EDAR: variants seen among roughly 807,000 people sequenced by gnomAD.
The protein encoded by EDAR is ectodysplasin A receptor.
A neutral mutation model predicts 51.3 loss-of-function variants in EDAR; 38 were observed. The ratio of observed to expected loss-of-function variants is 0.74; its 90% CI spans 0.57 to 0.97. The LOEUF is 0.97. EDAR is among the 50% of genes least tolerant of loss of function. The probability of loss-of-function intolerance (pLI) is 0.00; values close to 1 mark genes in which losing one functional copy is unlikely to be tolerated. For synonymous variants in EDAR, 227 were observed against 242.1 expected, an observed-to-expected ratio of 0.94 and a Z score of 0.58; for missense variants, 528 against 595.0, an observed-to-expected ratio of 0.89 and a Z score of 1.17.
intron 1 of EDAR, chr2:108,940,316 G>C (rs1697569888): frequency 6.6e-6 from 1 of 152,366 alleles, no homozygotes; most frequent in African/African-American, 2.4e-5. Context: ...TCCCAGGATG[G>C]CTCGGATGGT....
In EDAR at chr2:108,913,949, C is replaced by CAAAA. The variant is rs71383816; in HGVS notation, c.443-1189_443-1186dup. On this transcript the variant is annotated intron_variant, in intron 5 of 11. Coordinates refer to ENST00000258443, the MANE Select transcript of EDAR (RefSeq NM_022336.4). ...TGGGTGACACAGTGCGATTCCGTCT[C>CAAAA]AAAAAAAAAAAAAAAAAATCTAGAA... Among the ~76,000 whole-genome samples, 1,080 of 108,808 alleles carry CAAAA rather than the reference C, an allele frequency of 9.9e-3. 29 individuals are homozygous for CAAAA. The highest frequency in any genetic ancestry group is 0.037 in the South Asian group (110 of 2,952). 71.4% of individuals were successfully genotyped at this position (108,808 alleles called of 152,430 possible).
chr2:108,953,011 A>T (rs940345953), intron 1 of EDAR, among the ~76,000 whole-genome samples: 1 of 152,228 alleles, frequency 6.6e-6, no homozygotes, highest in Non-Finnish European at 1.5e-5. Flanking sequence ...TTTTGTGTGT[A>T]TGTAGTAGGT....
At chr2:108,926,862 G>T (rs897735025) in intron 4 of EDAR, among the ~76,000 whole-genome samples, 1 of 152,340 alleles carries the variant, frequency 6.6e-6, no homozygotes, top group Admixed American at 6.5e-5. Flanking sequence ...AGGAATGAAC[G>T]CAGCCTTTCA....
intron 1 of EDAR, among the ~76,000 whole-genome samples, chr2:108,957,509 C>A (rs1209875150): frequency 6.6e-6 from 1 of 152,250 alleles, no homozygotes; most frequent in Non-Finnish European, 1.5e-5. Context: ...CTGGATGGTT[C>A]TATCAGGTTC....
intron 1 of EDAR, among the ~76,000 whole-genome samples, chr2:108,953,663 T>C (rs1289170159): frequency 2.0e-5 from 3 of 152,090 alleles, no homozygotes; most frequent in Non-Finnish European, 4.4e-5. Context: ...GGTGCTGTCA[T>C]TGTCGGATGG....
Position 108,910,544 on chromosome 2 carries a change from T to C in EDAR, c.731-12A>G, listed in dbSNP as rs1696906202. On this transcript the variant is annotated splice_polypyrimidine_tract_variant and intron_variant, in intron 8 of 11. Transcript: ENST00000258443. ...CATCACCACGTTGTCTGCAGGGAAA[T>C]GGGGAGGTTGGGGAGATAGGAGTTA... is the stretch of plus-strand genomic sequence containing the variant. The C allele has an allele frequency of 6.2e-7, 1 of 1,604,264 alleles. No individual in the cohort carries two copies. Among genetic ancestry groups the C allele is most frequent in the African/African-American group, 1.3e-5 (1 of 74,608 alleles).
intron 4 of EDAR, among the ~76,000 whole-genome samples, chr2:108,926,300 G>GC (rs920566817): frequency 3.9e-5 from 6 of 152,096 alleles, no homozygotes; most frequent in African/African-American, 1.4e-4. Context: ...TTTCTCCCTA[G>GC]CCCCCCAACC....
chr2:108,930,255 G>T lies in EDAR; in HGVS notation c.52-13C>A, dbSNP rs763729504. The T allele has an allele frequency of 1.3e-5, 21 of 1,614,092 alleles. No homozygotes were observed. Among genetic ancestry groups the T allele is most frequent in the Non-Finnish European group, 1.7e-5 (20 of 1,180,016 alleles). On this transcript the variant is annotated splice_polypyrimidine_tract_variant and intron_variant, in intron 2 of 11. Coordinates refer to ENST00000258443, the MANE Select transcript of EDAR (RefSeq NM_022336.4). ...ACATCAGAGACACCTGCCAACAAAG[G>T]GGGGTGTTGTGGCCTCCGTACCTCC...
Position 108,896,928 on chromosome 2 carries a change from G to A in EDAR, c.1326C>T (p.Ser442=), listed in dbSNP as rs965481198. ...LEWAGVVPPA[S]QPHAAS ...CTTTTCAGGATGCAGCATGTGGCTGGGAGGCAGGTGGCACAACCCCCGCCC... is the reference window on the plus strand; with the variant it reads ...CTTTTCAGGATGCAGCATGTGGCTGAGAGGCAGGTGGCACAACCCCCGCCC... Residue 442 remains serine (S), a synonymous_variant, in exon 12 of 12, where the codon TCC becomes TCT. Transcript: ENST00000258443. 5.6e-6 allele frequency: 9 copies of A among 1,612,706 alleles called. No individual in the cohort carries two copies. The Admixed American group carries it at 1.5e-4, about 27-fold the overall frequency.
chr2:108,912,225 C>A (rs1200373372), intron 6 of EDAR, among the ~76,000 whole-genome samples: 1 of 152,230 alleles, frequency 6.6e-6, no homozygotes, highest in African/African-American at 2.4e-5. Context: ...ACATATTAAA[C>A]TTTGGGGTCC....
At chr2:108,921,542 C>T (rs1045301034) in intron 5 of EDAR, among the ~76,000 whole-genome samples, 3 of 152,192 alleles carry the variant, frequency 2.0e-5, no homozygotes, top group Non-Finnish European at 2.9e-5. Flanking sequence ...TTGGCAACTT[C>T]GGGCTCCTGA....
At chr2:108,910,700 A>G in intron 8 of EDAR, 76 bp downstream of exon 8, 1 of 1,516,476 alleles carries the variant, frequency 6.6e-7, no homozygotes, top group East Asian at 2.3e-5. Flanking sequence ...AGCAGCGAGG[A>G]GGCTGCTTCT....
chr2:108,945,922 A>T (rs1218489879), intron 1 of EDAR, among the ~76,000 whole-genome samples: 3 of 152,220 alleles, frequency 2.0e-5, no homozygotes, highest in Non-Finnish European at 4.4e-5. Context: ...TGTCATGAAG[A>T]TGCCTATTCT....
intron 5 of EDAR, among the ~76,000 whole-genome samples, chr2:108,922,660 C>T (rs1697166053): frequency 6.6e-6 from 1 of 152,144 alleles, no homozygotes. Context: ...TCAGCTCCTC[C>T]TCCACCCTTG....
chr2:108,911,074 T>C lies in EDAR; in HGVS notation c.530-2A>G. On this transcript the variant is annotated splice_acceptor_variant, in intron 6 of 11. Coordinates refer to ENST00000258443, the MANE Select transcript of EDAR (RefSeq NM_022336.4). LOFTEE classifies it high-confidence loss of function. ...CCAGGTGTCCTTGGCCTGAGAGTTC[T>C]GTGGGTGGAGAGAAGGCATGAATGA... The C allele has an allele frequency of 6.2e-7, 1 of 1,614,122 alleles. No homozygotes were observed. The highest frequency in any genetic ancestry group is 8.5e-7 in the Non-Finnish European group (1 of 1,180,022).
rs541181694 is a variant in EDAR, at chr2:108,958,443, C to T, written c.-18-27411G>A. On this transcript the variant is annotated intron_variant, in intron 1 of 11. Coordinates refer to ENST00000258443, the MANE Select transcript of EDAR (RefSeq NM_022336.4). ...AACAAAAAACAAAAAACAAAAAAAA[C>T]CCCAGGGCAGTGCCTTCCAGGAGCT... 2.7e-3 allele frequency among the ~76,000 whole-genome samples: 417 copies of T among 152,004 alleles called. 23 individuals carry two copies. The South Asian group carries it at 0.08, about 29-fold the overall frequency.
chr2:108,965,413 C>T (rs1350602829), intron 1 of EDAR, among the ~76,000 whole-genome samples: 1 of 146,838 alleles, frequency 6.8e-6, no homozygotes, highest in African/African-American at 2.5e-5. Context: ...CCCGGGAGGC[C>T]GAGGTCACGC....
intron 11 of EDAR, 45 bp from the exon 12 acceptor site, chr2:108,897,274 A>T (rs1696618489): frequency 1.9e-6 from 3 of 1,546,862 alleles, no homozygotes; most frequent in Non-Finnish European, 2.7e-6. Flanking sequence ...AGTCACAGTC[A>T]ATAGAAGGTC....
intron 1 of EDAR, among the ~76,000 whole-genome samples, chr2:108,977,252 C>T (rs1246764414): frequency 1.3e-5 from 2 of 152,136 alleles, no homozygotes; most frequent in Admixed American, 6.5e-5. Context: ...GGCCTCTCAG[C>T]TTGGCTCCTG....
Sources: allele counts gnomAD v4.1 joint callset (sites outside exome capture counted in the v4.1 genomes callset), GRCh38; gene constraint gnomAD v4.1.1; transcripts MANE v1.5; gene names NCBI Gene and HGNC (gene_info 2026-07-23, HGNC 2026-07-21).